The following PHTF2 variants were observed in gnomAD, a reference collection of about 807,000 sequenced individuals.
PHTF2 encodes the protein putative homeodomain transcription factor 2.
Under a neutral mutation model 101.2 loss-of-function variants are expected in PHTF2, and 60 were observed. That is an observed-to-expected ratio of 0.59 (90% CI 0.48 to 0.73). The LOEUF (loss-of-function observed/expected upper bound fraction) is 0.73, where lower values mean the gene tolerates loss of function less well. PHTF2 is among the 30% of genes least tolerant of loss of function. The pLI, the probability that PHTF2 is intolerant of heterozygous loss-of-function variation, is 0.00. For missense variants in PHTF2, 747 were observed against 908.7 expected (o/e 0.82, Z 2.29); for synonymous variants, 311 against 307.3 (o/e 1.01, Z -0.13).
At chr7:77,918,432 A>G (rs1361610469) in intron 9 of PHTF2, among the ~76,000 whole-genome samples, 3 of 152,006 alleles carry the variant, frequency 2.0e-5, no homozygotes, top group African/African-American at 7.3e-5. Context: ...TCTTTCACCT[A>G]ATTTATCCCC....
chr7:77,887,426 G>GT (rs887418639), intron 3 of PHTF2, among the ~76,000 whole-genome samples: 22 of 146,634 alleles, frequency 1.5e-4, no homozygotes, highest in Non-Finnish European at 2.9e-4. Context: ...TATTGTTGTT[G>GT]TTTTTTTTTA....
chr7:77,903,065 T>A (rs2150838132), intron 7 of PHTF2, among the ~76,000 whole-genome samples: 1 of 152,286 alleles, frequency 6.6e-6, no homozygotes, highest in East Asian at 1.9e-4. Flanking sequence ...ATAGTTGAGA[T>A]TATTTTATAT....
chr7:77,851,421 C>T (rs2150625391), intron 2 of PHTF2, among the ~76,000 whole-genome samples: 1 of 152,176 alleles, frequency 6.6e-6, no homozygotes, highest in Non-Finnish European at 1.5e-5. Flanking sequence ...CTCTAATAAT[C>T]CTTTGAATTT....
intron 12 of PHTF2, among the ~76,000 whole-genome samples, 160 bp from the exon 12 acceptor site, chr7:77,937,550 A>G (rs1034457452): frequency 2.6e-5 from 4 of 152,182 alleles, no homozygotes; most frequent in African/African-American, 7.2e-5. Context: ...ACAGATCTAT[A>G]TATTCCATTT....
exon 20 of PHTF2, chr7:77,954,964 TTCAGGAGTC>T: frequency 1.5e-6 from 1 of 679,014 alleles, no homozygotes; most frequent in East Asian, 2.8e-5. Context: ...GATTCTTTGC[TTCAGGAGTC>T]TCAGCTAGGG....
rs780437708 is a variant in PHTF2 at position 77,840,312 on chromosome 7, G to A, written c.45+12G>A. On this transcript the variant is annotated intron_variant, in intron 2 of 19. Coordinates refer to ENST00000416283, the Ensembl canonical transcript of PHTF2. ...GGTATCAAAAGAAGGTAAGTTGATAGTCAAAACTTTTAGCTTTCTAAATGT... is the reference window on the plus strand; with the variant it reads ...GGTATCAAAAGAAGGTAAGTTGATAATCAAAACTTTTAGCTTTCTAAATGT... 1 of 1,569,870 alleles carries A rather than the reference G, an allele frequency of 6.4e-7. No individual in the cohort carries two copies. Among genetic ancestry groups the A allele is most frequent in the South Asian group, 1.1e-5 (1 of 89,636 alleles).
At chr7:77,837,214 T>A (rs1334450995) in intron 1 of PHTF2, among the ~76,000 whole-genome samples, 1 of 152,220 alleles carries the variant, frequency 6.6e-6, no homozygotes, top group African/African-American at 2.4e-5. Context: ...GTAGGTTTTT[T>A]ATGCTTTTTT....
At chr7:77,868,322 A>AATT (rs1562893189) in intron 3 of PHTF2, among the ~76,000 whole-genome samples, 1 of 78,524 alleles carries the variant, frequency 1.3e-5, no homozygotes, top group Non-Finnish European at 2.3e-5. Context: ...TTAAAAAAAA[A>AATT]TTTTTTTTTT....
intron 7 of PHTF2, among the ~76,000 whole-genome samples, chr7:77,903,208 T>C (rs551080931): frequency 6.6e-6 from 1 of 152,210 alleles, no homozygotes. Flanking sequence ...TTTGCTATTA[T>C]AATTACTGCT....
chr7:77,927,597 C>T (rs1174437331), intron 11 of PHTF2, among the ~76,000 whole-genome samples: 2 of 152,084 alleles, frequency 1.3e-5, no homozygotes, highest in African/African-American at 2.4e-5. Flanking sequence ...GCCTCCATCT[C>T]AAAAAATAGT....
At chr7:77,887,202 A>AT (rs772703168) in intron 3 of PHTF2, among the ~76,000 whole-genome samples, 3 of 152,094 alleles carry the variant, frequency 2.0e-5, no homozygotes, top group Non-Finnish European at 4.4e-5. Context: ...TTAATATAGC[A>AT]TATTAGCTAT....
intron 3 of PHTF2, among the ~76,000 whole-genome samples, chr7:77,858,999 C>G (rs73138424): frequency 0.22 from 33,052 of 152,008 alleles, 4,087 homozygotes; most frequent in South Asian, 0.29. Context: ...TGGAGAGAGA[C>G]TGTGAGGGAA....
chr7:77,953,994 G>T, intron 19 of PHTF2, 100 bp downstream of exon 18: 1 of 868,954 alleles, frequency 1.2e-6, no homozygotes, highest in Non-Finnish European at 1.8e-6. Flanking sequence ...ATTTTGGTAA[G>T]ATTGCAATTA....
At chr7:77,850,641 C>CAAA (rs545263519) in intron 2 of PHTF2, among the ~76,000 whole-genome samples, 19 of 52,764 alleles carry the variant, frequency 3.6e-4, no homozygotes, top group African/African-American at 1.0e-3. Context: ...GACCCTGTCT[C>CAAA]AAAAAAAAAA....
chr7:77,806,169 A>T (rs1468528159), intron 1 of PHTF2, among the ~76,000 whole-genome samples: 1 of 151,996 alleles, frequency 6.6e-6, no homozygotes, highest in African/African-American at 2.4e-5. Flanking sequence ...CATCTCAAAA[A>T]AAAAAAAAAG....
intron 9 of PHTF2, among the ~76,000 whole-genome samples, chr7:77,910,968 G>A (rs953455252): frequency 1.3e-5 from 2 of 152,026 alleles, no homozygotes; most frequent in Non-Finnish European, 2.9e-5. Flanking sequence ...GTGTTAATTG[G>A]TTAATTTATT....
intron 3 of PHTF2, among the ~76,000 whole-genome samples, chr7:77,859,480 G>A (rs897529936): frequency 6.6e-6 from 1 of 151,586 alleles, no homozygotes; most frequent in African/African-American, 2.4e-5. Context: ...CGAACACCTA[G>A]GTCCTCTTTT....
chr7:77,923,301 T>A (rs1803652594), intron 11 of PHTF2: 7 of 926,806 alleles, frequency 7.6e-6, no homozygotes, highest in Non-Finnish European at 9.0e-6. Context: ...AAGAATTTCA[T>A]TCAATTGTAT....
chr7:77,819,511 T>G (rs1444303891), intron 1 of PHTF2, among the ~76,000 whole-genome samples: 1 of 152,234 alleles, frequency 6.6e-6, no homozygotes, highest in Non-Finnish European at 1.5e-5. Flanking sequence ...TTGTCTTTTA[T>G]TCTATTGGTG....
Sources: allele counts gnomAD v4.1 joint callset (sites outside exome capture counted in the v4.1 genomes callset), GRCh38; gene constraint gnomAD v4.1.1; transcripts MANE v1.5; gene names NCBI Gene and HGNC (gene_info 2026-07-23, HGNC 2026-07-21).